Variants in CEP112 observed in about 807,000 individuals in gnomAD.
CEP112 encodes centrosomal protein 112.
A neutral mutation model predicts 153.0 loss-of-function variants in CEP112; 127 were observed. That is an observed-to-expected ratio of 0.83 (90% CI 0.72 to 0.96). CEP112 has a LOEUF of 0.96. Among genes scored for constraint, CEP112 ranks in the 40% least tolerant of loss-of-function variants. The probability of loss-of-function intolerance (pLI) is 0.00; values close to 1 mark genes in which losing one functional copy is unlikely to be tolerated. For synonymous variants in CEP112, 358 were observed against 374.4 expected (o/e 0.96, Z 0.51); for missense variants, 1,089 against 1,101.2 (o/e 0.99, Z 0.16).
intron 21 of CEP112, among the ~76,000 whole-genome samples, chr17:65,763,773 G>A (rs2052757713): frequency 6.6e-6 from 1 of 151,862 alleles, no homozygotes; most frequent in Non-Finnish European, 1.5e-5. Flanking sequence ...TTAAATTCCT[G>A]GTCTGATAAT....
At position 65,870,082 on chromosome 17, in the gene CEP112, A is replaced by AAAGAAAGAAAG. The variant is rs1458255110; in HGVS notation, c.2164-18049_2164-18048insCTTTCTTTCTT. Reference sequence around the variant, plus strand: ...GAAAGAAAGAAAGAAAGAAAGAAAGAAAAGAAAGAAAGAGAAAATACAAAG... The same window carrying AAAGAAAGAAAG: ...GAAAGAAAGAAAGAAAGAAAGAAAGAAAGAAAGAAAGAAAGAAAGAAAGAGAAAATACAAAG... On this transcript the variant is annotated intron_variant, in intron 20 of 26. Transcript: ENST00000535342. 6.8e-5 allele frequency among the ~76,000 whole-genome samples: 5 copies of AAAGAAAGAAAG among 73,256 alleles called. No homozygotes were observed. In the Admixed American group the frequency reaches 7.1e-4, roughly 10 times the overall value. The allele number at this position is 73,256 out of a possible 152,430, so 48.1% of individuals were successfully genotyped here. A position where few individuals can be genotyped will look rare whatever the true frequency, so the allele number is the denominator to read the frequency against.
chr17:65,892,149 T>C (rs1274208260), intron 20 of CEP112, among the ~76,000 whole-genome samples: 1 of 152,184 alleles, frequency 6.6e-6, no homozygotes, highest in Non-Finnish European at 1.5e-5. Flanking sequence ...TGGGGCAACA[T>C]TCACATAAAT....
chr17:65,648,032 T>C (rs1372305873), intron 24 of CEP112, among the ~76,000 whole-genome samples: 1 of 152,172 alleles, frequency 6.6e-6, no homozygotes, highest in Non-Finnish European at 1.5e-5. Context: ...ATTATTATAT[T>C]TGAATATTAA....
intron 23 of CEP112, among the ~76,000 whole-genome samples, chr17:65,691,675 C>T (rs232126): frequency 0.11 from 16,814 of 152,186 alleles, 1,091 homozygotes; most frequent in Admixed American, 0.2. Flanking sequence ...TGCAATAGTT[C>T]CTGTGCTTGT....
Position 65,743,100 on chromosome 17 carries a change from G to C in CEP112, c.2575C>G (p.Gln859Glu), listed in dbSNP as rs149224888. ...VRQKFEDEKK[Q>E]LIRDNDQAIK... ...GCTTGGTCATTATCTCTAATCAGCTGCTTCTTCTCATCTTCAAACTTTTGT... is the reference window on the plus strand; with the variant it reads ...GCTTGGTCATTATCTCTAATCAGCTCCTTCTTCTCATCTTCAAACTTTTGT... The change falls in exon 23 of 27, where the codon CAG (glutamine) becomes GAG (glutamate). Residue 859 changes from glutamine (Q) to glutamate (E), a missense_variant. Transcript: ENST00000535342. The C allele has an allele frequency of 3.0e-5, 49 of 1,611,726 alleles. No homozygotes were observed. The highest frequency in any genetic ancestry group is 2.0e-4 in the South Asian group (18 of 90,520).
chr17:65,876,590 T>G (rs981783294), intron 20 of CEP112, among the ~76,000 whole-genome samples: 1 of 152,186 alleles, frequency 6.6e-6, no homozygotes, highest in Admixed American at 6.5e-5. Context: ...CTTTTCAACC[T>G]ATAGACCTAT....
At chr17:65,865,651 T>C (rs1410935111) in intron 20 of CEP112, among the ~76,000 whole-genome samples, 2 of 152,268 alleles carry the variant, frequency 1.3e-5, no homozygotes, top group Non-Finnish European at 2.9e-5. Flanking sequence ...TGGGGACTCC[T>C]GAAGCCGGTC....
At chr17:66,162,641 G>C (rs1003776341) in intron 4 of CEP112, among the ~76,000 whole-genome samples, 2 of 152,106 alleles carry the variant, frequency 1.3e-5, no homozygotes, top group Non-Finnish European at 1.5e-5. Flanking sequence ...ACATAATGTT[G>C]AGCAAAAGAA....
chr17:65,817,025 G>A (rs1000114273), intron 21 of CEP112, among the ~76,000 whole-genome samples: 2 of 151,914 alleles, frequency 1.3e-5, no homozygotes, highest in Non-Finnish European at 2.9e-5. Flanking sequence ...TGCATACAGA[G>A]ATTGCCAAAT....
intron 11 of CEP112, among the ~76,000 whole-genome samples, chr17:66,060,534 A>G (rs762784952): frequency 2.6e-5 from 4 of 152,188 alleles, no homozygotes; most frequent in Non-Finnish European, 5.9e-5. Context: ...CTAAAACAGT[A>G]TGCTATTGGC....
At chr17:65,697,554 AT>A (rs2048416629) in intron 23 of CEP112, among the ~76,000 whole-genome samples, 1 of 152,066 alleles carries the variant, frequency 6.6e-6, no homozygotes, top group African/African-American at 2.4e-5. Context: ...TTTTAATCAT[AT>A]TGTAAACGAC....
chr17:65,902,006 G>GGGAAAAAAAAAAAAAAAAA, intron 20 of CEP112, 146 bp downstream of exon 20: 1 of 243,086 alleles, frequency 4.1e-6, no homozygotes, highest in Non-Finnish European at 6.9e-6. Context: ...GGGTGGGGGG[G>GGGAAAAAAAAAAAAAAAAA]AGAAAAACAA....
intron 20 of CEP112, among the ~76,000 whole-genome samples, chr17:65,900,818 AAT>A (rs2059819306): frequency 6.6e-6 from 1 of 152,138 alleles, no homozygotes; most frequent in Non-Finnish European, 1.5e-5. Context: ...TGGTGGCAAA[AAT>A]ATAATACACG....
At chr17:65,750,769 C>T in intron 21 of CEP112, 45 bp from the exon 22 acceptor site, 2 of 1,558,792 alleles carry the variant, frequency 1.3e-6, no homozygotes, top group Non-Finnish European at 1.8e-6. Context: ...GACCTGTGAG[C>T]TTGGTATCTC....
At chr17:65,825,960 T>C (rs1351202168) in intron 21 of CEP112, among the ~76,000 whole-genome samples, 1 of 152,178 alleles carries the variant, frequency 6.6e-6, no homozygotes, top group Non-Finnish European at 1.5e-5. Flanking sequence ...CAGTCCAGCA[T>C]ATCTAGATGA....
chr17:65,881,401 G>GGTGTGT lies in CEP112; in HGVS notation c.2163+20745_2163+20750dup, dbSNP rs34374244. Among the ~76,000 whole-genome samples, 1,400 of 150,470 alleles carry GGTGTGT rather than the reference G, an allele frequency of 9.3e-3. 28 individuals are homozygous for GGTGTGT. The highest frequency in any genetic ancestry group is 0.032 in the African/African-American group (1,324 of 41,020). ...AACTTCAGAGGCAAAGCAGAAAACA[G>GGTGTGT]GTGTGTGTGTGTGTGTGTGTATGCA... On this transcript the variant is annotated intron_variant, in intron 20 of 26. Coordinates refer to ENST00000535342, the MANE Select transcript of CEP112 (RefSeq NM_001199165.4).
intron 17 of CEP112, among the ~76,000 whole-genome samples, chr17:65,974,101 G>A (rs2062946251): frequency 1.3e-5 from 2 of 151,456 alleles, no homozygotes; most frequent in Non-Finnish European, 2.9e-5. Context: ...TTTTAAGACA[G>A]GGTCTCACTT....
intron 17 of CEP112, among the ~76,000 whole-genome samples, chr17:65,970,219 ATACCATGCATATATGCATG>A (rs149225923): frequency 0.48 from 71,353 of 149,608 alleles, 18,107 homozygotes; most frequent in East Asian, 0.89. Flanking sequence ...ATGCATGCAT[ATACCATGCATATATGCATG>A]TATATTACAT....
chr17:65,677,148 C>G (rs952009181), intron 24 of CEP112, among the ~76,000 whole-genome samples: 1 of 152,158 alleles, frequency 6.6e-6, no homozygotes, highest in African/African-American at 2.4e-5. Flanking sequence ...CTCTTTACCT[C>G]CTATTTCTTC....
Sources: allele counts gnomAD v4.1 joint callset (sites outside exome capture counted in the v4.1 genomes callset), GRCh38; gene constraint gnomAD v4.1.1; transcripts MANE v1.5; gene names NCBI Gene and HGNC (gene_info 2026-07-23, HGNC 2026-07-21).